Variants in UNC79 observed in about 807,000 individuals in gnomAD.
UNC79 encodes the protein unc-79 subunit of NALCN channel complex.
A neutral mutation model predicts 283.1 loss-of-function variants in UNC79; 37 were observed. That is an observed-to-expected ratio of 0.13 (90% confidence interval 0.10 to 0.17). UNC79 has a LOEUF of 0.17. Ranked by LOEUF, UNC79 falls within the 10% of genes least tolerant of loss-of-function variation. The pLI, the probability that UNC79 is intolerant of heterozygous loss-of-function variation, is 1.00. For synonymous variants in UNC79, 1,107 were observed against 1,200.2 expected (o/e 0.92, Z 1.61); for missense variants, 2,272 against 3,211.1 (o/e 0.71, Z 7.07).
intron 11 of UNC79, 53 bp downstream of exon 11, chr14:93,532,631 A>G: frequency 6.2e-7 from 1 of 1,600,566 alleles, no homozygotes; most frequent in Admixed American, 1.7e-5. Context: ...GTTTGTATGT[A>G]AATTCATTTA....
chr14:93,677,918 G>A (rs1337483846), intron 41 of UNC79, among the ~76,000 whole-genome samples: 1 of 152,214 alleles, frequency 6.6e-6, no homozygotes, highest in African/African-American at 2.4e-5. Context: ...AAAGTGCTGG[G>A]ATTACAGGCG....
chr14:93,530,958 T>G (rs975426364), intron 10 of UNC79, among the ~76,000 whole-genome samples: 17 of 152,128 alleles, frequency 1.1e-4, no homozygotes, highest in African/African-American at 3.9e-4. Context: ...ACAAAAAACC[T>G]GTAAAAAGAT....
intron 16 of UNC79, among the ~76,000 whole-genome samples, chr14:93,574,301 CAGCCTTGGTCTATTTGGAGG>C (rs1350803551): frequency 6.6e-6 from 1 of 152,158 alleles, no homozygotes; most frequent in African/African-American, 2.4e-5. Flanking sequence ...GAAGGTTTTC[CAGCCTTGGTCTATTTGGAGG>C]ATAGAGTGGA....
At chr14:93,484,705 T>C (rs1272742332) in intron 4 of UNC79, among the ~76,000 whole-genome samples, 1 of 152,246 alleles carries the variant, frequency 6.6e-6, no homozygotes, top group East Asian at 1.9e-4. Flanking sequence ...GGGGACAAGC[T>C]GCACATCTGT....
intron 40 of UNC79, among the ~76,000 whole-genome samples, chr14:93,671,559 G>T (rs1475400183): frequency 1.3e-5 from 2 of 152,140 alleles, no homozygotes; most frequent in African/African-American, 4.8e-5. Flanking sequence ...GATCACCTGA[G>T]ATTGGGAGTA....
At chr14:93,684,924 A>G (rs772552327) in intron 42 of UNC79, among the ~76,000 whole-genome samples, 1 of 152,228 alleles carries the variant, frequency 6.6e-6, no homozygotes, top group Non-Finnish European at 1.5e-5. Flanking sequence ...TCTGAAACAA[A>G]TGGAGCTTGA....
At chr14:93,427,938 T>G (rs2055767625), upstream of UNC79, among the ~76,000 whole-genome samples, 1 of 152,330 alleles carries the variant, frequency 6.6e-6, no homozygotes, top group South Asian at 2.1e-4. Flanking sequence ...TATTTCTATG[T>G]TTGAATTACT....
rs562334780 is a variant in UNC79 at position 93,414,702 on chromosome 14, A to C, written c.-350-52969A>C. ...ATTTGTTTGTATCCTCTTTTATTTCATTGAGCAGTGGTTTGTAGTTCTCCT... is the reference window on the plus strand; with the variant it reads ...ATTTGTTTGTATCCTCTTTTATTTCCTTGAGCAGTGGTTTGTAGTTCTCCT... On this transcript the variant is annotated intron_variant, in intron 1 of 49. Coordinates refer to the UNC79 transcript ENST00000256339. 2.7e-3 allele frequency among the ~76,000 whole-genome samples: 411 copies of C among 152,102 alleles called. 1 individual carries two copies. Among genetic ancestry groups the C allele is most frequent in the African/African-American group, 9.3e-3 (385 of 41,494 alleles).
rs1046871493 is a variant in UNC79 at position 93,440,064 on chromosome 14, T to TA, written c.22+9020dup. Among the ~76,000 whole-genome samples the TA allele has an allele frequency of 1.3e-3, 195 of 152,112 alleles. 1 individual carries two copies. The highest frequency in any genetic ancestry group is 4.4e-3 in the African/African-American group (184 of 41,508). On this transcript the variant is annotated intron_variant, in intron 1 of 48. Transcript: ENST00000555664. ...AAAAAAACAATAAAAAATAGTACAA[T>TA]AAAAAAATACAGTGGGGTATGACAA...
chr14:93,652,902 G>T (rs1451229140), intron 35 of UNC79, among the ~76,000 whole-genome samples: 1 of 152,050 alleles, frequency 6.6e-6, no homozygotes, highest in Non-Finnish European at 1.5e-5. Flanking sequence ...AATTGGGAAG[G>T]GTTCTCTCCT....
At position 93,704,615 on chromosome 14, in the gene UNC79, C is replaced by T; in HGVS notation, c.7549-10C>T. ...CACTAATAATGAAGCTTTTGTCTTT[C>T]TCTATACAGCTGATACCTATGTGGT... On this transcript the variant is annotated splice_polypyrimidine_tract_variant and intron_variant, in intron 47 of 48. Transcript: ENST00000555664. 1 of 1,614,178 alleles carries T rather than the reference C, an allele frequency of 6.2e-7. No homozygotes were observed. Among genetic ancestry groups the T allele is most frequent in the Non-Finnish European group, 8.5e-7 (1 of 1,179,994 alleles).
chr14:93,365,152 G>A (rs1195358160), intron 1 of UNC79, among the ~76,000 whole-genome samples: 1 of 152,114 alleles, frequency 6.6e-6, no homozygotes, highest in African/African-American at 2.4e-5. Flanking sequence ...TTGGGAGGCC[G>A]AGGTGGGTGG....
intron 32 of UNC79, among the ~76,000 whole-genome samples, chr14:93,638,260 G>T (rs2068686351): frequency 6.6e-6 from 1 of 152,170 alleles, no homozygotes; most frequent in Non-Finnish European, 1.5e-5. Context: ...TTGATCTCCA[G>T]CTTTTGCTCA....
intron 47 of UNC79, among the ~76,000 whole-genome samples, chr14:93,703,480 G>T (rs4905083): frequency 0.71 from 107,966 of 152,158 alleles, 38,926 homozygotes; most frequent in African/African-American, 0.81. Flanking sequence ...TTTGTGTGTA[G>T]GTGTCTAAAC....
intron 1 of UNC79, among the ~76,000 whole-genome samples, chr14:93,399,873 G>A (rs1190252055): frequency 6.6e-6 from 1 of 152,144 alleles, no homozygotes; most frequent in African/African-American, 2.4e-5. Context: ...TATTCATTAA[G>A]CAGCTATCCT....
chr14:93,517,126 T>G (rs2060100376), intron 7 of UNC79, among the ~76,000 whole-genome samples: 1 of 145,936 alleles, frequency 6.9e-6, no homozygotes, highest in Non-Finnish European at 1.6e-5. Context: ...AAATAATTTT[T>G]TTTCTTTTCT....
intron 2 of UNC79, among the ~76,000 whole-genome samples, chr14:93,470,317 G>A (rs1171225915): frequency 6.6e-6 from 1 of 152,134 alleles, no homozygotes; most frequent in Non-Finnish European, 1.5e-5. Flanking sequence ...TATTTCAAAA[G>A]GCAGAAATTA....
chr14:93,697,849 C>T (rs1242798310), intron 47 of UNC79, among the ~76,000 whole-genome samples: 1 of 152,190 alleles, frequency 6.6e-6, no homozygotes, highest in Non-Finnish European at 1.5e-5. Flanking sequence ...TGATTTGAGA[C>T]TTTTCTTTTC....
chr14:93,701,559 A>T (rs2075532236), intron 47 of UNC79, among the ~76,000 whole-genome samples: 1 of 152,226 alleles, frequency 6.6e-6, no homozygotes, highest in African/African-American at 2.4e-5. Flanking sequence ...AAAAAGCCCA[A>T]CCAACTTTAC....
Sources: allele counts gnomAD v4.1 joint callset (sites outside exome capture counted in the v4.1 genomes callset), GRCh38; gene constraint gnomAD v4.1.1; transcripts MANE v1.5; gene names NCBI Gene and HGNC (gene_info 2026-07-23, HGNC 2026-07-21).